SLC35F1: variants seen among roughly 807,000 people sequenced by gnomAD.
SLC35F1 encodes solute carrier family 35 member F1, also known as chromosome 6 open reading frame 169.
Under a neutral mutation model 48.7 loss-of-function variants are expected in SLC35F1, and 14 were observed. The observed-to-expected ratio is 0.29, with a 90% CI of 0.19 to 0.45. SLC35F1 has a LOEUF of 0.45. Ranked by LOEUF, SLC35F1 falls within the 20% of genes least tolerant of loss-of-function variation. SLC35F1 has a pLI of 1.00. For synonymous variants in SLC35F1, 190 were observed against 202.2 expected (o/e 0.94, Z 0.51); for missense variants, 404 against 500.0 (o/e 0.81, Z 1.83).
At chr6:118,010,892 G>A (rs542031533) in intron 1 of SLC35F1, among the ~76,000 whole-genome samples, 2 of 152,266 alleles carry the variant, frequency 1.3e-5, no homozygotes, top group African/African-American at 4.8e-5. Context: ...CTCACACAGA[G>A]ACAACCAGGC....
At chr6:118,128,853 A>T (rs1437526201) in intron 1 of SLC35F1, among the ~76,000 whole-genome samples, 1 of 151,932 alleles carries the variant, frequency 6.6e-6, no homozygotes, top group East Asian at 1.9e-4. Context: ...AAAGAAAATA[A>T]CCTGCCATAT....
chr6:118,059,338 A>G (rs74650223), intron 1 of SLC35F1, among the ~76,000 whole-genome samples: 2,215 of 152,330 alleles, frequency 0.015, 62 homozygotes, highest in African/African-American at 0.05. Context: ...AATTTAAGAA[A>G]GATTGATTTG....
chr6:118,247,567 A>T (rs1775524365), intron 3 of SLC35F1, among the ~76,000 whole-genome samples: 1 of 152,254 alleles, frequency 6.6e-6, no homozygotes, highest in African/African-American at 2.4e-5. Context: ...TGGGAAATAC[A>T]CTAGGCAATT....
chr6:118,117,306 A>C (rs1461399884), intron 1 of SLC35F1, among the ~76,000 whole-genome samples: 1 of 152,246 alleles, frequency 6.6e-6, no homozygotes, highest in Non-Finnish European at 1.5e-5. Flanking sequence ...AAGTGAAGGA[A>C]TACTCAATTT....
At chr6:118,046,114 G>T (rs1772296365) in intron 1 of SLC35F1, among the ~76,000 whole-genome samples, 1 of 152,180 alleles carries the variant, frequency 6.6e-6, no homozygotes, top group Non-Finnish European at 1.5e-5. Context: ...CAAGGATCTA[G>T]GGACATTTGT....
At chr6:117,926,052 T>A (rs1258414950) in intron 1 of SLC35F1, among the ~76,000 whole-genome samples, 1 of 151,634 alleles carries the variant, frequency 6.6e-6, no homozygotes. Flanking sequence ...ATAAAAGGAG[T>A]TGGGGAAGGC....
chr6:117,929,534 T>C (rs2355790), intron 1 of SLC35F1, among the ~76,000 whole-genome samples: 70,368 of 150,946 alleles, frequency 0.47, 18,800 homozygotes, highest in South Asian at 0.73. Context: ...CTTTAAGGAA[T>C]TGGTTTTTGT....
intron 1 of SLC35F1, among the ~76,000 whole-genome samples, chr6:118,071,458 C>T (rs1772722878): frequency 6.6e-6 from 1 of 151,948 alleles, no homozygotes; most frequent in African/African-American, 2.4e-5. Flanking sequence ...TATTTCAGCT[C>T]CAATTATGGT....
At chr6:117,943,014 T>C (rs1776251323) in intron 1 of SLC35F1, among the ~76,000 whole-genome samples, 1 of 152,192 alleles carries the variant, frequency 6.6e-6, no homozygotes, top group South Asian at 2.1e-4. Context: ...TCTCAATTCT[T>C]TCAGTTCTAA....
intron 1 of SLC35F1, among the ~76,000 whole-genome samples, chr6:118,072,532 C>A (rs1302057481): frequency 6.6e-6 from 1 of 151,942 alleles, no homozygotes; most frequent in Non-Finnish European, 1.5e-5. Flanking sequence ...CCACTGCACT[C>A]CAGCCTGGGC....
In SLC35F1 at chr6:118,305,259, C is replaced by CT. The variant is rs566909155; in HGVS notation, c.1003-8761dup. Among the ~76,000 whole-genome samples the CT allele has an allele frequency of 8.6e-3, 1,297 of 151,440 alleles. 7 individuals are homozygous for CT. The highest frequency in any genetic ancestry group is 0.015 in the Non-Finnish European group (987 of 67,808). On this transcript the variant is annotated intron_variant, in intron 7 of 7. Coordinates refer to ENST00000360388, the MANE Select transcript of SLC35F1 (RefSeq NM_001029858.4). ...TTCCTCTTCCTGGGGGGCCCTCAGT[C>CT]TTTTTTTTCAAGACCTTCAACTGAT...
chr6:118,312,154 C>T (rs1481493645), intron 7 of SLC35F1, among the ~76,000 whole-genome samples: 1 of 152,180 alleles, frequency 6.6e-6, no homozygotes, highest in African/African-American at 2.4e-5. Flanking sequence ...CATCTCTCTA[C>T]CTCCATATGC....
intron 2 of SLC35F1, among the ~76,000 whole-genome samples, chr6:118,185,621 T>C (rs1295528203): frequency 1.3e-5 from 2 of 152,090 alleles, no homozygotes; most frequent in East Asian, 1.9e-4. Flanking sequence ...AAATATTCTA[T>C]TGAAAATCAG....
At chr6:118,269,609 T>C (rs1228969786) in intron 4 of SLC35F1, among the ~76,000 whole-genome samples, 2 of 152,170 alleles carry the variant, frequency 1.3e-5, no homozygotes, top group Non-Finnish European at 2.9e-5. Context: ...AATTGTTACA[T>C]ATCATTATCA....
In SLC35F1 at chr6:118,263,448, C is replaced by A. The variant is rs1312059347; in HGVS notation, c.478-3547C>A. The stretch of plus-strand genomic sequence containing the variant: ...TAAGGAGAATAAAATTCGTTTAAAT[C>A]CTTAGGGGGAAAAAAGGAATCTATG... On this transcript the variant is annotated intron_variant, in intron 3 of 7. Coordinates refer to ENST00000360388, the MANE Select transcript of SLC35F1 (RefSeq NM_001029858.4). 3.3e-5 allele frequency among the ~76,000 whole-genome samples: 5 copies of A among 152,140 alleles called. No individual in the cohort carries two copies. In the South Asian group the frequency reaches 6.2e-4, roughly 19 times the overall value.
chr6:117,967,198 AAGG>A (rs1392755332), intron 1 of SLC35F1, among the ~76,000 whole-genome samples: 5 of 152,210 alleles, frequency 3.3e-5, no homozygotes, highest in Non-Finnish European at 5.9e-5. Flanking sequence ...CACACAGAAA[AAGG>A]AGCTGAAAAG....
rs1014986395 is a variant in SLC35F1 at position 117,929,143 on chromosome 6, C to T, written c.173+21244C>T. On this transcript the variant is annotated intron_variant, in intron 1 of 7. Transcript: ENST00000360388. ...TGACCAACTCTTCTTTCTTACCCCT[C>T]TCTAATTCCTGTTTTCCCACACATG... Among the ~76,000 whole-genome samples the T allele has an allele frequency of 2.0e-5, 3 of 152,122 alleles. No homozygotes were observed. In the South Asian group the frequency reaches 6.2e-4, roughly 32 times the overall value.
At chr6:118,060,391 A>G (rs1772520661) in intron 1 of SLC35F1, among the ~76,000 whole-genome samples, 1 of 152,040 alleles carries the variant, frequency 6.6e-6, no homozygotes, top group Non-Finnish European at 1.5e-5. Flanking sequence ...TTGAGTCTAC[A>G]TCTGATGTCA....
chr6:118,157,621 A>G (rs914125355), intron 2 of SLC35F1, among the ~76,000 whole-genome samples: 6 of 152,188 alleles, frequency 3.9e-5, no homozygotes, highest in African/African-American at 1.4e-4. Flanking sequence ...AATCACTGGT[A>G]TAAGTCCAAG....
Sources: allele counts gnomAD v4.1 joint callset (sites outside exome capture counted in the v4.1 genomes callset), GRCh38; gene constraint gnomAD v4.1.1; transcripts MANE v1.5; gene names NCBI Gene and HGNC (gene_info 2026-07-23, HGNC 2026-07-21).